Variants in SOCS7 observed in about 807,000 individuals in gnomAD.
SOCS7 encodes suppressor of cytokine signaling 7.
In SOCS7, 18 loss-of-function variants were observed where a neutral mutation model predicts 58.9. That is an observed-to-expected ratio of 0.31 (90% confidence interval 0.21 to 0.45). The LOEUF is 0.45. Ranked by LOEUF, SOCS7 falls within the 20% of genes least tolerant of loss-of-function variation. The pLI, the probability that SOCS7 is intolerant of heterozygous loss-of-function variation, is 1.00. For synonymous variants in SOCS7, 388 were observed against 364.3 expected (o/e 1.06, Z -0.74); for missense variants, 667 against 837.3 (o/e 0.80, Z 2.51).
chr17:38,400,136 C>T lies in SOCS7; in HGVS notation c.*654C>T, dbSNP rs1450325626. 2 of 152,190 alleles carry T rather than the reference C, an allele frequency of 1.3e-5. No individual in the cohort carries two copies. The highest frequency in any genetic ancestry group is 4.8e-5 in the African/African-American group (2 of 41,456). The allele number at this position is 152,190 out of a possible 1,614,324, so 9.4% of individuals were successfully genotyped here. Reference sequence around the variant, plus strand: ...CCTTAGCTGGGAGAAGTAGTGACTCCTGCATCCTTTTTTAAGGTTTAGGAA... The same window carrying T: ...CCTTAGCTGGGAGAAGTAGTGACTCTTGCATCCTTTTTTAAGGTTTAGGAA... On this transcript the variant is annotated 3_prime_UTR_variant, in exon 10 of 10. Transcript: ENST00000612932.
intron 7 of SOCS7, among the ~76,000 whole-genome samples, chr17:38,392,594 G>A (rs1487952758): frequency 6.6e-6 from 1 of 152,210 alleles, no homozygotes; most frequent in Non-Finnish European, 1.5e-5. Context: ...TCACGTGTGA[G>A]TTCTTTTTCT....
chr17:38,398,748 G>A (rs2038277471), intron 9 of SOCS7, among the ~76,000 whole-genome samples: 1 of 152,270 alleles, frequency 6.6e-6, no homozygotes, highest in East Asian at 1.9e-4. Flanking sequence ...AGCAACAGTG[G>A]CCTTTGTGTT....
intron 6 of SOCS7, among the ~76,000 whole-genome samples, chr17:38,369,362 A>G (rs1012163866): frequency 6.6e-6 from 1 of 152,184 alleles, no homozygotes; most frequent in Non-Finnish European, 1.5e-5. Context: ...AGCTTTGTCC[A>G]TGGTTTCCTC....
At chr17:38,395,623 G>A (rs1008165319) in intron 8 of SOCS7, among the ~76,000 whole-genome samples, 179 bp downstream of exon 8, 1 of 152,184 alleles carries the variant, frequency 6.6e-6, no homozygotes, top group African/African-American at 2.4e-5. Flanking sequence ...TCATATTGCA[G>A]CCAGAGGGAG....
Position 38,395,406 on chromosome 17 carries a change from C to T in SOCS7, c.1779C>T (p.Leu593=), listed in dbSNP as rs754044452. The change falls in exon 8 of 10, where the codon CTC becomes CTT. Residue 593 remains leucine, a synonymous_variant. Transcript: ENST00000612932. The part of the protein sequence containing the change: ...QHLCRFRIRQ[L]VRIDHIPDLP... ...TTTGCAGATTCCGGATACGACAGCT[C>T]GTCAGGATAGATCACATCCCAGATC... The T allele has an allele frequency of 1.2e-6, 2 of 1,614,128 alleles. No individual in the cohort carries two copies. The highest frequency in any genetic ancestry group is 1.7e-6 in the Non-Finnish European group (2 of 1,180,000).
Position 38,405,371 on chromosome 17 carries a change from A to G in SOCS7, c.*5889A>G, listed in dbSNP as rs1169930856. On this transcript the variant is annotated 3_prime_UTR_variant, in exon 10 of 10. Coordinates refer to ENST00000612932, the MANE Select transcript of SOCS7 (RefSeq NM_014598.4). ...ATTAGTTCCAGAATGGGGTGTCTGTATATACTGTATTAATAGGCATGTTTG... is the reference window on the plus strand; with the variant it reads ...ATTAGTTCCAGAATGGGGTGTCTGTGTATACTGTATTAATAGGCATGTTTG... 1.3e-5 allele frequency: 2 copies of G among 151,990 alleles called. No individual in the cohort carries two copies. The highest frequency in any genetic ancestry group is 2.9e-5 in the Non-Finnish European group (2 of 68,002). The allele number at this position is 151,990 out of a possible 1,614,324, so 9.4% of individuals were successfully genotyped here. A position where few individuals can be genotyped will look rare whatever the true frequency, so the allele number is the denominator to read the frequency against.
intron 6 of SOCS7, among the ~76,000 whole-genome samples, chr17:38,369,378 C>T (rs2037832071): frequency 6.6e-6 from 1 of 152,122 alleles, no homozygotes; most frequent in African/African-American, 2.4e-5. Flanking sequence ...TCCTCTGTAC[C>T]CACTTCTACC....
At chr17:38,377,562 A>C in intron 6 of SOCS7, 152 bp from the exon 7 acceptor site, 1 of 558,192 alleles carries the variant, frequency 1.8e-6, no homozygotes, top group Non-Finnish European at 3.0e-6. Flanking sequence ...ACTGTGAGAT[A>C]AGCAGGAACA....
chr17:38,382,305 G>A (rs1214472586), intron 7 of SOCS7, among the ~76,000 whole-genome samples: 1 of 151,734 alleles, frequency 6.6e-6, no homozygotes, highest in African/African-American at 2.4e-5. Flanking sequence ...ACATGTGATG[G>A]TGTGTGCCTT....
intron 7 of SOCS7, among the ~76,000 whole-genome samples, chr17:38,382,861 A>G (rs1308841396): frequency 6.6e-6 from 1 of 152,160 alleles, no homozygotes; most frequent in Non-Finnish European, 1.5e-5. Context: ...TTACTTGTTC[A>G]GTGACATGTC....
At chr17:38,394,591 A>G (rs888329499) in intron 7 of SOCS7, among the ~76,000 whole-genome samples, 1 of 152,104 alleles carries the variant, frequency 6.6e-6, no homozygotes, top group Non-Finnish European at 1.5e-5. Context: ...CCTTCAGGAT[A>G]CTGCTAGATG....
At chr17:38,368,344 A>G (rs1367519912) in intron 6 of SOCS7, among the ~76,000 whole-genome samples, 2 of 152,116 alleles carry the variant, frequency 1.3e-5, no homozygotes, top group Non-Finnish European at 2.9e-5. Context: ...AGCCGGTAAA[A>G]CTCTTTAGGT....
chr17:38,395,859 C>T lies in SOCS7; in HGVS notation c.1829C>T (p.Ser610Phe). ...PDLPLPKPLI[S>F]YIRKFYYYDP... ...TTTGTTTTTCACAGACCTCTGATCTCTTATATCCGAAAGTTCTACTACTAT... is the reference window on the plus strand; with the variant it reads ...TTTGTTTTTCACAGACCTCTGATCTTTTATATCCGAAAGTTCTACTACTAT... The change falls in exon 9 of 10, where the codon TCT (serine) becomes TTT (phenylalanine). Residue 610 changes from serine (S) to phenylalanine (F), a missense_variant. Ser to Phe is a radical substitution (Grantham distance 155). This residue lies in a region of SOCS7 where 40 missense variants were observed against 45.6 expected (regional missense o/e 0.88). Transcript: ENST00000612932. 6.2e-7 allele frequency: 1 copy of T among 1,610,546 alleles called. No individual in the cohort carries two copies. Among genetic ancestry groups the T allele is most frequent in the Non-Finnish European group, 8.5e-7 (1 of 1,179,138 alleles).
chr17:38,370,217 C>T (rs1026105187), intron 6 of SOCS7, among the ~76,000 whole-genome samples: 7 of 151,932 alleles, frequency 4.6e-5, no homozygotes, highest in East Asian at 3.9e-4. Context: ...AGGCTGGTCT[C>T]GAACTCCTAG....
intron 4 of SOCS7, 53 bp from the exon 5 acceptor site, chr17:38,366,234 G>T: frequency 3.1e-6 from 5 of 1,597,018 alleles, no homozygotes; most frequent in Non-Finnish European, 3.4e-6. Context: ...GGGTCTATTT[G>T]TGGTTGGGAG....
intron 8 of SOCS7, 75 bp from the exon 9 acceptor site, chr17:38,395,773 G>A (rs1265867381): frequency 1.4e-6 from 2 of 1,459,626 alleles, no homozygotes; most frequent in African/African-American, 2.8e-5. Flanking sequence ...GTGAAGAAGA[G>A]TTGAACAAAG....
intron 7 of SOCS7, among the ~76,000 whole-genome samples, chr17:38,383,675 G>A (rs1261552739): frequency 1.3e-5 from 2 of 152,116 alleles, no homozygotes; most frequent in East Asian, 3.9e-4. Flanking sequence ...CTCCTGAGTA[G>A]CTGGGATTAT....
At chr17:38,368,540 TG>T (rs1567740227) in intron 6 of SOCS7, among the ~76,000 whole-genome samples, 1 of 152,006 alleles carries the variant, frequency 6.6e-6, no homozygotes, top group Non-Finnish European at 1.5e-5. Flanking sequence ...CTCGCTCTGT[TG>T]CCTAGGCTGG....
intron 6 of SOCS7, among the ~76,000 whole-genome samples, chr17:38,370,276 G>A (rs947415850): frequency 1.3e-5 from 2 of 151,634 alleles, no homozygotes; most frequent in South Asian, 2.1e-4. Context: ...GGGATGACAC[G>A]CGTGAGCCAC....
Sources: allele counts gnomAD v4.1 joint callset (sites outside exome capture counted in the v4.1 genomes callset), GRCh38; gene constraint gnomAD v4.1.1; regional missense constraint gnomAD v4.1.1; transcripts MANE v1.5; gene names NCBI Gene and HGNC (gene_info 2026-07-23, HGNC 2026-07-21).